ZC3H13: variants seen among roughly 807,000 people sequenced by gnomAD.
ZC3H13 encodes the protein zinc finger CCCH domain-containing protein 13.
A neutral mutation model predicts 204.1 loss-of-function variants in ZC3H13; 64 were observed. The observed-to-expected ratio is 0.31, with a 90% CI of 0.26 to 0.39. The LOEUF is 0.39. ZC3H13 is among the 10% of genes least tolerant of loss of function. ZC3H13 has a pLI of 1.00. For missense variants in ZC3H13, 1,833 were observed against 2,082.7 expected (o/e 0.88, Z 2.33); for synonymous variants, 667 against 693.7 (o/e 0.96, Z 0.60).
intron 12 of ZC3H13, among the ~76,000 whole-genome samples, chr13:45,971,719 A>G (rs1319212305): frequency 6.6e-6 from 1 of 152,182 alleles, no homozygotes; most frequent in Non-Finnish European, 1.5e-5. Context: ...AAGACAACCC[A>G]TAGAATGGGA....
chr13:45,966,927 T>A (rs930602469), intron 15 of ZC3H13, among the ~76,000 whole-genome samples: 3 of 152,112 alleles, frequency 2.0e-5, no homozygotes, highest in Non-Finnish European at 4.4e-5. Flanking sequence ...AAATGGGGGC[T>A]GAAGGGTAAA....
intron 4 of ZC3H13, among the ~76,000 whole-genome samples, chr13:46,022,808 C>T (rs1375940334): frequency 1.3e-5 from 2 of 151,486 alleles, no homozygotes; most frequent in Non-Finnish European, 2.9e-5. Context: ...AACATACTAA[C>T]ATTTTTGCAG....
chr13:46,032,971 T>C (rs530078842), intron 4 of ZC3H13, among the ~76,000 whole-genome samples: 1 of 150,994 alleles, frequency 6.6e-6, no homozygotes, highest in East Asian at 2.0e-4. Flanking sequence ...TTTGTGTGCA[T>C]ATATATGTAA....
intron 4 of ZC3H13, among the ~76,000 whole-genome samples, chr13:46,021,009 A>T (rs1450966426): frequency 6.6e-6 from 1 of 152,048 alleles, no homozygotes; most frequent in Non-Finnish European, 1.5e-5. Context: ...ATTATATTTT[A>T]AAATGTCAAA....
chr13:45,962,667 G>A (rs1951774849), intron 17 of ZC3H13: 36 of 979,566 alleles, frequency 3.7e-5, no homozygotes, highest in Non-Finnish European at 4.4e-5. Context: ...TATGCTAATA[G>A]AGTAAAGGAA....
chr13:45,974,075 G>C (rs1158756249), intron 12 of ZC3H13, among the ~76,000 whole-genome samples: 1 of 152,220 alleles, frequency 6.6e-6, no homozygotes, highest in Non-Finnish European at 1.5e-5. Flanking sequence ...GGAGGTAAGA[G>C]CAAGAAAATT....
chr13:46,046,122 A>AAAAAC (rs998427874), intron 1 of ZC3H13, among the ~76,000 whole-genome samples: 1 of 152,178 alleles, frequency 6.6e-6, no homozygotes, highest in African/African-American at 2.4e-5. Flanking sequence ...CCAGTAACAC[A>AAAAAC]AAAACAAAAC....
At chr13:45,983,870 CA>C (rs1378283534) in intron 10 of ZC3H13, among the ~76,000 whole-genome samples, 4 of 152,096 alleles carry the variant, frequency 2.6e-5, no homozygotes, top group African/African-American at 9.7e-5. Context: ...GAAAATACAG[CA>C]ACATCATTTA....
rs754240291 is a variant in ZC3H13 at position 45,985,438 on chromosome 13, G to T, written c.1579C>A (p.Arg527=). ...RKEDTYPEES[R]SYGRNHLREE... ...CTCAAATGGTTTCGGCCATAACTCC[G>T]GGATTCTTCTGGATATGTATCCTCC... Residue 527 remains arginine, a synonymous_variant, in exon 10 of 19, where the codon CGG becomes AGG. Coordinates refer to ENST00000679008, the MANE Select transcript of ZC3H13 (RefSeq NM_001330564.2). 2 of 1,614,102 alleles carry T rather than the reference G, an allele frequency of 1.2e-6. No individual in the cohort carries two copies. The highest frequency in any genetic ancestry group is 1.7e-6 in the Non-Finnish European group (2 of 1,180,016).
At chr13:45,962,130 T>G in intron 17 of ZC3H13, 2 of 980,988 alleles carry the variant, frequency 2.0e-6, no homozygotes, top group Non-Finnish European at 2.4e-6. Flanking sequence ...GTCAGGCACT[T>G]TTCTGGGCAA....
Position 45,969,800 on chromosome 13 carries a change from G to A in ZC3H13, c.2744C>T (p.Ser915Phe). The change falls in exon 14 of 19, where the codon TCT becomes TTT. Residue 915 changes from serine to phenylalanine, a missense_variant. Physicochemically the swap from Ser to Phe is radical, Grantham distance 155. Around this residue, in one of 5 missense-constraint regions of ZC3H13, gnomAD observed 1,574 missense variants for 1,757.2 expected, o/e 0.90. Coordinates refer to ENST00000679008, the MANE Select transcript of ZC3H13 (RefSeq NM_001330564.2). ...CTGTTCTCTCTGTTTATCTACAGAAGAAACTTTCTCCTTGAGTTCCTGTTC... is the reference window on the plus strand; with the variant it reads ...CTGTTCTCTCTGTTTATCTACAGAAAAAACTTTCTCCTTGAGTTCCTGTTC... The part of the protein sequence containing the change: ...YEEQELKEKV[S>F]SVDKQREQTE... 6.2e-7 allele frequency: 1 copy of A among 1,613,872 alleles called. No homozygotes were observed.
At chr13:46,034,050 A>G (rs2043062094) in intron 4 of ZC3H13, among the ~76,000 whole-genome samples, 1 of 152,204 alleles carries the variant, frequency 6.6e-6, no homozygotes, top group African/African-American at 2.4e-5. Flanking sequence ...GAAACAGCCA[A>G]TAAACATATG....
chr13:45,965,298 C>T lies in ZC3H13; in HGVS notation c.4456G>A (p.Asp1486Asn). ...GDAEKREDQQDEEKMPDPLDV... is the reference protein window; with the variant it reads ...GDAEKREDQQNEEKMPDPLDV... ...TAGTTACCTGGCATCTTCTCCTCAT[C>T]CTGTTGGTCCTCCCTCTTTTCTGCA... Residue 1486 changes from aspartate (D) to asparagine (N), a missense_variant, in exon 16 of 19, where the codon GAT (aspartate) becomes AAT (asparagine). This residue lies in a region of ZC3H13 where 211 missense variants were observed against 228.4 expected (regional missense o/e 0.92). Transcript: ENST00000679008. 1.2e-6 allele frequency: 2 copies of T among 1,613,460 alleles called. No individual in the cohort carries two copies. Among genetic ancestry groups the T allele is most frequent in the African/African-American group, 1.3e-5 (1 of 74,994 alleles).
At chr13:46,043,286 G>T (rs1028552879) in intron 3 of ZC3H13, among the ~76,000 whole-genome samples, 1 of 151,892 alleles carries the variant, frequency 6.6e-6, no homozygotes, top group African/African-American at 2.4e-5. Context: ...GGTTAGTAAA[G>T]AAATAATTTG....
chr13:45,956,491 C>T lies in ZC3H13; in HGVS notation c.*636G>A, dbSNP rs751694448. ...ATTAAAAATAAAAATAGTACACAAT[C>T]TCTGATAACAAAAAAAGCATTTAGG... On this transcript the variant is annotated 3_prime_UTR_variant, in exon 19 of 19. Coordinates refer to ENST00000679008, the MANE Select transcript of ZC3H13 (RefSeq NM_001330564.2). 2 of 152,048 alleles carry T rather than the reference C, an allele frequency of 1.3e-5. No homozygotes were observed. Among genetic ancestry groups the T allele is most frequent in the Non-Finnish European group, 2.9e-5 (2 of 67,974 alleles). 9.4% of individuals were successfully genotyped at this position (152,048 alleles called of 1,614,324 possible).
At chr13:46,018,256 T>C (rs2042028587) in intron 5 of ZC3H13, among the ~76,000 whole-genome samples, 1 of 152,148 alleles carries the variant, frequency 6.6e-6, no homozygotes, top group South Asian at 2.1e-4. Flanking sequence ...CATTAGTGAC[T>C]TTGAAAAGCA....
chr13:45,974,183 G>T (rs556390794), intron 12 of ZC3H13, among the ~76,000 whole-genome samples: 80 of 152,276 alleles, frequency 5.3e-4, no homozygotes, highest in Non-Finnish European at 9.6e-4. Flanking sequence ...TAGTAAGTTT[G>T]GTTTTGTGCC....
chr13:46,003,429 T>C, intron 7 of ZC3H13, 93 bp from the exon 8 acceptor site: 1 of 1,174,988 alleles, frequency 8.5e-7, no homozygotes, highest in Non-Finnish European at 1.2e-6. Context: ...TCCTTTACAT[T>C]ACTTGCCCTT....
chr13:45,957,750 C>A (rs1239945390), intron 18 of ZC3H13, among the ~76,000 whole-genome samples: 2 of 152,170 alleles, frequency 1.3e-5, no homozygotes, highest in African/African-American at 4.8e-5. Flanking sequence ...GTTCCTTCCT[C>A]ACATAGTTTT....
Sources: allele counts gnomAD v4.1 joint callset (sites outside exome capture counted in the v4.1 genomes callset), GRCh38; gene constraint gnomAD v4.1.1; regional missense constraint gnomAD v4.1.1; transcripts MANE v1.5; gene names NCBI Gene and HGNC (gene_info 2026-07-23, HGNC 2026-07-21).